The following ATXN1 variants were observed in gnomAD, a reference collection of about 807,000 sequenced individuals.
ATXN1 encodes ataxin 1, also known as ataxin-1.
A neutral mutation model predicts 56.4 loss-of-function variants in ATXN1; 8 were observed. That is an observed-to-expected ratio of 0.14 (90% CI 0.08 to 0.26). The LOEUF (loss-of-function observed/expected upper bound fraction) is 0.26. ATXN1 is among the 10% of genes least tolerant of loss of function. The pLI, the probability that ATXN1 is intolerant of heterozygous loss-of-function variation, is 1.00. For synonymous variants in ATXN1, 514 were observed against 494.6 expected (o/e 1.04, Z -0.52); for missense variants, 987 against 1,106.5 (o/e 0.89, Z 1.53).
intron 6 of ATXN1, among the ~76,000 whole-genome samples, chr6:16,359,708 T>C (rs950625148): frequency 1.3e-5 from 2 of 152,140 alleles, no homozygotes; most frequent in African/African-American, 4.8e-5. Context: ...ACTCTTCTTT[T>C]TCACCCTTCA....
At chr6:16,329,684 T>C (rs1421367978) in intron 6 of ATXN1, among the ~76,000 whole-genome samples, 1 of 152,192 alleles carries the variant, frequency 6.6e-6, no homozygotes, top group Non-Finnish European at 1.5e-5. Context: ...CCCTTTCTCA[T>C]TGGAAAGTAA....
intron 6 of ATXN1, among the ~76,000 whole-genome samples, chr6:16,472,891 C>T (rs192262503): frequency 2.6e-5 from 4 of 152,318 alleles, no homozygotes. Context: ...ATCAGTCAGT[C>T]TGTTCGAACT....
intron 6 of ATXN1, among the ~76,000 whole-genome samples, chr6:16,461,617 A>G (rs1759999907): frequency 6.6e-6 from 1 of 152,236 alleles, no homozygotes; most frequent in African/African-American, 2.4e-5. Context: ...ATTGGATAGA[A>G]GCCTTCCCCT....
chr6:16,397,186 A>G (rs1758474696), intron 6 of ATXN1, among the ~76,000 whole-genome samples: 1 of 152,220 alleles, frequency 6.6e-6, no homozygotes, highest in South Asian at 2.1e-4. Flanking sequence ...GAGTATTTAT[A>G]TTACAGAAAT....
At chr6:16,538,155 C>T (rs1761641257) in intron 4 of ATXN1, among the ~76,000 whole-genome samples, 1 of 152,190 alleles carries the variant, frequency 6.6e-6, no homozygotes, top group Admixed American at 6.5e-5. Flanking sequence ...TCTTTGCCCT[C>T]AAGACCTTCA....
At chr6:16,580,941 T>G (rs183489730) in intron 4 of ATXN1, among the ~76,000 whole-genome samples, 31 of 152,136 alleles carry the variant, frequency 2.0e-4, no homozygotes, top group African/African-American at 7.2e-4. Flanking sequence ...AAGATAAATT[T>G]TGGGGAAGTC....
At chr6:16,397,197 C>G (rs1267122550) in intron 6 of ATXN1, among the ~76,000 whole-genome samples, 4 of 152,182 alleles carry the variant, frequency 2.6e-5, no homozygotes, top group Non-Finnish European at 5.9e-5. Context: ...TTACAGAAAT[C>G]AGTAAATGCT....
chr6:16,714,663 T>C lies in ATXN1; in HGVS notation c.-615+38570A>G, dbSNP rs547673740. 1.2e-3 allele frequency among the ~76,000 whole-genome samples: 183 copies of C among 152,342 alleles called. 2 individuals are homozygous for C. Among genetic ancestry groups the C allele is most frequent in the Admixed American group, 3.4e-3 (52 of 15,308 alleles). On this transcript the variant is annotated intron_variant, in intron 2 of 7. Transcript: ENST00000436367. ...GTAATTGTATATGTATTTTCTTGTA[T>C]ACATTCCTTTGAAAGCTCTGTGATG... is the stretch of plus-strand genomic sequence containing the variant.
chr6:16,554,130 C>T (rs1761969742), intron 4 of ATXN1, among the ~76,000 whole-genome samples: 1 of 152,118 alleles, frequency 6.6e-6, no homozygotes, highest in Admixed American at 6.5e-5. Flanking sequence ...AACACACAAT[C>T]GTTTAAGATG....
intron 5 of ATXN1, among the ~76,000 whole-genome samples, chr6:16,487,017 T>C (rs1254910659): frequency 6.6e-6 from 1 of 152,200 alleles, no homozygotes; most frequent in Non-Finnish European, 1.5e-5. Context: ...TGATCATTAA[T>C]ATTTTCCACA....
intron 4 of ATXN1, among the ~76,000 whole-genome samples, chr6:16,535,788 C>G (rs1315697639): frequency 8.5e-5 from 13 of 152,058 alleles, no homozygotes; most frequent in Admixed American, 7.9e-4. Context: ...GTTGACAAAC[C>G]CTGACACAAC....
At chr6:16,373,405 A>T (rs2113494081) in intron 6 of ATXN1, among the ~76,000 whole-genome samples, 1 of 152,390 alleles carries the variant, frequency 6.6e-6, no homozygotes, top group African/African-American at 2.4e-5. Context: ...AGTGAAAGAC[A>T]AATGGCAGAT....
In ATXN1 at chr6:16,327,495, G is replaced by A; in HGVS notation, c.816C>T (p.Pro272=). 6.2e-7 allele frequency: 1 copy of A among 1,613,174 alleles called. No homozygotes were observed. The highest frequency in any genetic ancestry group is 8.5e-7 in the Non-Finnish European group (1 of 1,179,880). ...SPPAIPVHLH[P]HQTMIPHTLT... The stretch of plus-strand genomic sequence containing the variant: ...GCGTGTGTGGGATCATCGTCTGGTG[G>A]GGGTGGAGGTGGACGGGGATGGCCG... The change falls in exon 7 of 8, where the codon CCC becomes CCT. Residue 272 remains proline (P), a synonymous_variant. Transcript: ENST00000436367.
chr6:16,729,426 G>C (rs1759918902), intron 2 of ATXN1, among the ~76,000 whole-genome samples: 1 of 152,162 alleles, frequency 6.6e-6, no homozygotes, highest in African/African-American at 2.4e-5. Flanking sequence ...GGGAGCTGCT[G>C]GCTTTGTATT....
intron 3 of ATXN1, among the ~76,000 whole-genome samples, chr6:16,638,924 G>A (rs1325158299): frequency 9.9e-5 from 15 of 152,084 alleles, no homozygotes; most frequent in Admixed American, 9.8e-4. Flanking sequence ...TGCAGAAGTG[G>A]TATTGAGAGG....
chr6:16,386,522 A>G (rs905823211), intron 6 of ATXN1, among the ~76,000 whole-genome samples: 3 of 152,238 alleles, frequency 2.0e-5, no homozygotes, highest in Non-Finnish European at 2.9e-5. Context: ...GAAACCTATG[A>G]TAAAACCAAT....
intron 3 of ATXN1, among the ~76,000 whole-genome samples, chr6:16,627,151 T>TGGTTCCAG (rs1649268613): frequency 6.6e-6 from 1 of 152,216 alleles, no homozygotes; most frequent in African/African-American, 2.4e-5. Flanking sequence ...ATATGTCCAC[T>TGGTTCCAG]TCTGGTTCCA....
At chr6:16,442,078 C>T (rs192193897) in intron 6 of ATXN1, among the ~76,000 whole-genome samples, 122 of 152,286 alleles carry the variant, frequency 8.0e-4, no homozygotes, top group African/African-American at 2.4e-3. Flanking sequence ...ATTCTTTGGA[C>T]ACTCAGGTAA....
intron 3 of ATXN1, among the ~76,000 whole-genome samples, chr6:16,616,321 C>T (rs575358571): frequency 6.6e-6 from 1 of 151,858 alleles, no homozygotes; most frequent in Non-Finnish European, 1.5e-5. Flanking sequence ...GGGTGGCTCA[C>T]CTGAGGTCAG....
Sources: gnomAD v4.1 joint callset for allele counts (sites outside exome capture counted in the v4.1 genomes callset) on GRCh38, gnomAD v4.1.1 for gene constraint, MANE v1.5 for transcripts, NCBI Gene and HGNC (gene_info 2026-07-23, HGNC 2026-07-21) for gene names.